Variants in DAAM1 observed in about 807,000 individuals in gnomAD.
DAAM1 encodes dishevelled associated activator of morphogenesis 1, also known as disheveled-associated activator of morphogenesis 1.
In DAAM1, 52 loss-of-function variants were observed where a neutral mutation model predicts 130.0. That is an observed-to-expected ratio of 0.40 (90% confidence interval 0.32 to 0.50). The LOEUF (loss-of-function observed/expected upper bound fraction) is 0.50. DAAM1 is among the 20% of genes least tolerant of loss of function. The pLI, the probability that DAAM1 is intolerant of heterozygous loss-of-function variation, is 0.61. For synonymous variants in DAAM1, 452 were observed against 444.5 expected, an observed-to-expected ratio of 1.02 and a Z score of -0.21; for missense variants, 1,134 against 1,303.8, an observed-to-expected ratio of 0.87 and a Z score of 2.01.
intron 1 of DAAM1, among the ~76,000 whole-genome samples, chr14:59,212,713 G>A (rs1449133270): frequency 2.0e-5 from 3 of 152,190 alleles, no homozygotes; most frequent in African/African-American, 7.2e-5. Flanking sequence ...TAGTTTGTCA[G>A]TGTAGGTAGT....
chr14:59,263,977 T>C lies in DAAM1; in HGVS notation c.183+317T>C. ...CCTAATTTGTCTCCATCCCAGTCCTTAGTCTATACATTATGCTAAATAATT... is the reference window on the plus strand; with the variant it reads ...CCTAATTTGTCTCCATCCCAGTCCTCAGTCTATACATTATGCTAAATAATT... On this transcript the variant is annotated intron_variant, in intron 2 of 24. Transcript: ENST00000360909. 9.7e-6 allele frequency: 4 copies of C among 411,710 alleles called. 1 individual carries two copies. Among genetic ancestry groups the C allele is most frequent in the South Asian group, 8.8e-5 (4 of 45,630 alleles). 25.5% of individuals were successfully genotyped at this position (411,710 alleles called of 1,614,324 possible). A position where few individuals can be genotyped will look rare whatever the true frequency, so the allele number is the denominator to read the frequency against.
At chr14:59,229,768 G>T (rs927232975) in intron 1 of DAAM1, among the ~76,000 whole-genome samples, 26 of 152,202 alleles carry the variant, frequency 1.7e-4, no homozygotes, top group Non-Finnish European at 3.4e-4. Flanking sequence ...CCACCTTGTG[G>T]GTTAGTTTCT....
chr14:59,340,993 G>A (rs113014076), intron 16 of DAAM1, among the ~76,000 whole-genome samples: 191 of 152,242 alleles, frequency 1.3e-3, no homozygotes, highest in African/African-American at 4.4e-3. Context: ...GCTGGTATAA[G>A]GTGACTTCTT....
In DAAM1 at chr14:59,191,424, T is replaced by A. The variant is rs185440727; in HGVS notation, c.-38+2656T>A. 2.1e-3 allele frequency among the ~76,000 whole-genome samples: 327 copies of A among 152,192 alleles called. 3 individuals are homozygous for A. Among genetic ancestry groups the A allele is most frequent in the Admixed American group, 0.015 (224 of 15,280 alleles). ...TTAGAGCAGTTTGTTCATTTGTAGG[T>A]CTTTAATAAATATATGTTAAACGAA... On this transcript the variant is annotated intron_variant, in intron 1 of 24. Coordinates refer to ENST00000360909, the MANE Select transcript of DAAM1 (RefSeq NM_001270520.2).
chr14:59,324,461 C>A lies in DAAM1; in HGVS notation c.989+7C>A. On this transcript the variant is annotated splice_region_variant and intron_variant, in intron 8 of 24. Transcript: ENST00000360909. ...AAAATTCAACATTAGATAGGTAAGT[C>A]AGACTATTATGATGTGAGAAAGTTT... 1 of 1,542,690 alleles carries A rather than the reference C, an allele frequency of 6.5e-7. No homozygotes were observed. The highest frequency in any genetic ancestry group is 1.3e-5 in the South Asian group (1 of 77,926).
chr14:59,367,008 G>T (rs1886944242), intron 23 of DAAM1, among the ~76,000 whole-genome samples: 1 of 151,456 alleles, frequency 6.6e-6, no homozygotes, highest in Non-Finnish European at 1.5e-5. Context: ...AAAAAAAACT[G>T]CCGGGTGTGG....
chr14:59,198,142 C>T (rs1025657633), intron 1 of DAAM1, among the ~76,000 whole-genome samples: 4 of 151,946 alleles, frequency 2.6e-5, no homozygotes, highest in African/African-American at 7.2e-5. Flanking sequence ...CGGGGACATT[C>T]ACATTGGGGC....
At position 59,355,145 on chromosome 14, in the gene DAAM1, TTA is replaced by T. The variant is rs1334441589; in HGVS notation, c.2357-18_2357-17del. The T allele has an allele frequency of 1.9e-6, 3 of 1,599,408 alleles. No homozygotes were observed. The South Asian group carries it at 3.4e-5, about 18-fold the overall frequency. ...AACGAAACACTTGGTAATCATGTTT[TTA>T]TGTGTTTTGTTTTGAAGCAATTCGT... On this transcript the variant is annotated intron_variant, in intron 19 of 24. Transcript: ENST00000360909.
At chr14:59,236,990 A>G (rs1377535732) in intron 1 of DAAM1, among the ~76,000 whole-genome samples, 6 of 152,304 alleles carry the variant, frequency 3.9e-5, no homozygotes, top group East Asian at 1.9e-4. Context: ...GCCACAGACA[A>G]TATGTAAACA....
chr14:59,231,973 C>G (rs1319189363), intron 1 of DAAM1, among the ~76,000 whole-genome samples: 1 of 152,136 alleles, frequency 6.6e-6, no homozygotes, highest in African/African-American at 2.4e-5. Flanking sequence ...GAGAAATATA[C>G]TATTTGTTGA....
intron 15 of DAAM1, 102 bp from the exon 16 acceptor site, chr14:59,339,972 G>T: frequency 3.2e-6 from 3 of 924,558 alleles, no homozygotes; most frequent in Non-Finnish European, 5.1e-6. Context: ...GTGTATACGA[G>T]TGTGTGTATG....
At chr14:59,249,109 T>C (rs1881524432) in intron 1 of DAAM1, among the ~76,000 whole-genome samples, 1 of 152,324 alleles carries the variant, frequency 6.6e-6, no homozygotes, top group South Asian at 2.1e-4. Flanking sequence ...TTGTACTTCT[T>C]CAAGGCTCTA....
intron 2 of DAAM1, among the ~76,000 whole-genome samples, chr14:59,284,539 C>G (rs953514777): frequency 1.3e-5 from 2 of 151,990 alleles, no homozygotes; most frequent in African/African-American, 4.8e-5. Flanking sequence ...CATTTAGATA[C>G]AAGAGAAGGT....
intron 15 of DAAM1, among the ~76,000 whole-genome samples, chr14:59,333,715 G>C (rs1885527626): frequency 6.6e-6 from 1 of 152,232 alleles, no homozygotes; most frequent in South Asian, 2.1e-4. Context: ...AGCAGCAGTT[G>C]TTCCAAATGA....
At chr14:59,359,271 T>C (rs1456275974) in intron 20 of DAAM1, 126 bp from the exon 21 acceptor site, 3 of 709,716 alleles carry the variant, frequency 4.2e-6, no homozygotes, top group African/African-American at 3.6e-5. Flanking sequence ...GCAGGTAATA[T>C]AGCATTATTG....
At chr14:59,192,149 G>GGTGTGTGTGT (rs55791691) in intron 1 of DAAM1, among the ~76,000 whole-genome samples, 144 of 138,648 alleles carry the variant, frequency 1.0e-3, no homozygotes, top group East Asian at 3.7e-3. Context: ...CTTGTTAAGG[G>GGTGTGTGTGT]GTGTGTGTGT....
At chr14:59,349,967 C>T (rs918363400) in intron 17 of DAAM1, among the ~76,000 whole-genome samples, 10 of 152,142 alleles carry the variant, frequency 6.6e-5, no homozygotes, top group Non-Finnish European at 1.5e-5. Flanking sequence ...GGCTAGAACT[C>T]AGTTTCCTTG....
chr14:59,322,224 T>C (rs1885038278), intron 5 of DAAM1, among the ~76,000 whole-genome samples: 2 of 151,992 alleles, frequency 1.3e-5, no homozygotes, highest in South Asian at 4.1e-4. Flanking sequence ...AATCAACATA[T>C]AAAAGCGCAT....
At chr14:59,213,167 A>G (rs576493376) in intron 1 of DAAM1, among the ~76,000 whole-genome samples, 6 of 152,074 alleles carry the variant, frequency 3.9e-5, no homozygotes, top group Non-Finnish European at 8.8e-5. Context: ...TATTCAGGGG[A>G]ACTTGTCAGT....
Sources: allele counts gnomAD v4.1 joint callset (sites outside exome capture counted in the v4.1 genomes callset), GRCh38; gene constraint gnomAD v4.1.1; transcripts MANE v1.5; gene names NCBI Gene and HGNC (gene_info 2026-07-23, HGNC 2026-07-21).